SOX5: variants seen among roughly 807,000 people sequenced by gnomAD.
SOX5 encodes the protein SRY-box transcription factor 5, also known as transcription factor SOX-5.
SOX5 carries 9 observed loss-of-function variants against 92.0 expected under a neutral mutation model. That is an observed-to-expected ratio of 0.10 (90% CI 0.06 to 0.17). SOX5 has a LOEUF of 0.17. SOX5 is among the 10% of genes least tolerant of loss of function. The pLI, the probability that SOX5 is intolerant of heterozygous loss-of-function variation, is 1.00. For synonymous variants in SOX5, 344 were observed against 336.3 expected, an observed-to-expected ratio of 1.02 and a Z score of -0.25; for missense variants, 642 against 944.5, an observed-to-expected ratio of 0.68 and a Z score of 4.20.
Position 23,655,235 on chromosome 12 carries a change from GGT to G in SOX5, c.931+10207_931+10208del, listed in dbSNP as rs544783085. ...TAAGAAGTCTGAGTATCCCTGAAAA[GGT>G]GACAATGAATCAAATATGTCTCCTT... On this transcript the variant is annotated intron_variant, in intron 7 of 14. Transcript: ENST00000451604. Among the ~76,000 whole-genome samples the G allele has an allele frequency of 3.2e-3, 487 of 152,124 alleles. 2 individuals are homozygous for G. The highest frequency in any genetic ancestry group is 0.011 in the African/African-American group (444 of 41,532).
chr12:24,196,885 A>G (rs1372917666), intron 4 of SOX5, among the ~76,000 whole-genome samples: 1 of 152,212 alleles, frequency 6.6e-6, no homozygotes. Flanking sequence ...CCTGGGTAAC[A>G]GAGCTAAACC....
intron 4 of SOX5, among the ~76,000 whole-genome samples, chr12:23,999,158 G>C (rs1002749284): frequency 1.3e-5 from 2 of 150,846 alleles, no homozygotes; most frequent in African/African-American, 2.5e-5. Context: ...GTGTGTGTGT[G>C]TGTGTGTGTG....
chr12:23,714,104 A>G (rs7961877), intron 6 of SOX5, among the ~76,000 whole-genome samples: 1,887 of 151,894 alleles, frequency 0.012, 30 homozygotes, highest in African/African-American at 0.043. Context: ...AAAAAAAAAA[A>G]AGAAAAGATT....
At chr12:23,987,657 G>A (rs1049613030) in intron 4 of SOX5, among the ~76,000 whole-genome samples, 1 of 152,188 alleles carries the variant, frequency 6.6e-6, no homozygotes, top group African/African-American at 2.4e-5. Flanking sequence ...GCCAGGCATG[G>A]TGCTGTGTGC....
chr12:23,537,643 T>C (rs1226320724), intron 13 of SOX5, among the ~76,000 whole-genome samples: 1 of 152,186 alleles, frequency 6.6e-6, no homozygotes, highest in Non-Finnish European at 1.5e-5. Flanking sequence ...TCACTATTAA[T>C]TTTGGTGTGA....
rs71059907 is a variant in SOX5, at chr12:23,577,191, A to ATATATT, written c.1165-1354_1165-1353insAATATA. Among the ~76,000 whole-genome samples, 280 of 61,388 alleles carry ATATATT rather than the reference A, an allele frequency of 4.6e-3. 4 individuals are homozygous for ATATATT. Among genetic ancestry groups the ATATATT allele is most frequent in the African/African-American group, 0.013 (233 of 17,562 alleles). 40.3% of individuals were successfully genotyped at this position (61,388 alleles called of 152,430 possible). ...CACACACACACATATATATATATAT[A>ATATATT]TTTTTTTTTTTTTTTTTTTTTGAGA... is the stretch of plus-strand genomic sequence containing the variant. On this transcript the variant is annotated intron_variant, in intron 9 of 14. Coordinates refer to ENST00000451604, the MANE Select transcript of SOX5 (RefSeq NM_006940.6).
chr12:24,085,722 T>C (rs1205415287), intron 4 of SOX5, among the ~76,000 whole-genome samples: 1 of 151,836 alleles, frequency 6.6e-6, no homozygotes, highest in Non-Finnish European at 1.5e-5. Flanking sequence ...CAAAATGAAA[T>C]TTGTTATATT....
chr12:23,750,264 T>C (rs1015565537), intron 4 of SOX5, among the ~76,000 whole-genome samples: 6 of 151,932 alleles, frequency 3.9e-5, no homozygotes, highest in Non-Finnish European at 8.8e-5. Flanking sequence ...CAGAATTAAA[T>C]AATGTTGTCA....
intron 1 of SOX5, among the ~76,000 whole-genome samples, chr12:24,415,236 C>A (rs1326757180): frequency 6.6e-6 from 1 of 152,144 alleles, no homozygotes; most frequent in Non-Finnish European, 1.5e-5. Context: ...CACAACAAAT[C>A]CCTTCAGGAT....
intron 10 of SOX5, among the ~76,000 whole-genome samples, chr12:23,573,990 T>C (rs1217717627): frequency 6.6e-6 from 1 of 151,670 alleles, no homozygotes; most frequent in Non-Finnish European, 1.5e-5. Context: ...ATAAATAATA[T>C]ATTAGTTATC....
chr12:24,507,314 G>A (rs1264272134), intron 1 of SOX5, among the ~76,000 whole-genome samples: 2 of 151,682 alleles, frequency 1.3e-5, no homozygotes, highest in Non-Finnish European at 2.9e-5. Context: ...GTAGGTAGAT[G>A]GATGGATAGA....
At chr12:24,255,762 T>C (rs1394578076) in intron 3 of SOX5, among the ~76,000 whole-genome samples, 1 of 152,234 alleles carries the variant, frequency 6.6e-6, no homozygotes, top group Non-Finnish European at 1.5e-5. Flanking sequence ...TAAGTCCTTC[T>C]TTCCCGGAAC....
At chr12:23,641,520 C>T (rs1168321389) in intron 7 of SOX5, among the ~76,000 whole-genome samples, 2 of 152,032 alleles carry the variant, frequency 1.3e-5, no homozygotes, top group Non-Finnish European at 2.9e-5. Flanking sequence ...TCCCTTCCCC[C>T]CGACATTTTT....
intron 1 of SOX5, among the ~76,000 whole-genome samples, chr12:24,395,996 T>C (rs1959848320): frequency 6.6e-6 from 1 of 152,230 alleles, no homozygotes; most frequent in African/African-American, 2.4e-5. Context: ...GGGAGGTTAT[T>C]GGTTGCAATT....
intron 10 of SOX5, among the ~76,000 whole-genome samples, chr12:23,569,667 T>A (rs1947798710): frequency 1.3e-5 from 2 of 152,330 alleles, no homozygotes; most frequent in South Asian, 2.1e-4. Context: ...CAGGCCTTCA[T>A]CCTTTCACTC....
At chr12:23,534,954 C>A (rs569530957) in intron 14 of SOX5, among the ~76,000 whole-genome samples, 355 of 152,226 alleles carry the variant, frequency 2.3e-3, no homozygotes, top group Non-Finnish European at 4.1e-3. Flanking sequence ...AGGTGATCCA[C>A]CTGCCTCGGC....
chr12:23,880,886 G>A (rs1004964369), intron 2 of SOX5, among the ~76,000 whole-genome samples: 1 of 152,140 alleles, frequency 6.6e-6, no homozygotes, highest in African/African-American at 2.4e-5. Context: ...TCTTAATTCT[G>A]ATATATAAAC....
chr12:24,429,758 A>G (rs1387042873), intron 1 of SOX5, among the ~76,000 whole-genome samples: 1 of 152,184 alleles, frequency 6.6e-6, no homozygotes, highest in African/African-American at 2.4e-5. Flanking sequence ...ATAAATACAC[A>G]AATGTTATTT....
chr12:23,761,244 A>G (rs1209067831), intron 3 of SOX5, among the ~76,000 whole-genome samples: 3 of 152,152 alleles, frequency 2.0e-5, no homozygotes, highest in Non-Finnish European at 4.4e-5. Flanking sequence ...CATAAAAGCA[A>G]TTGAGGAAAA....
Sources: allele counts gnomAD v4.1 joint callset (sites outside exome capture counted in the v4.1 genomes callset), GRCh38; gene constraint gnomAD v4.1.1; transcripts MANE v1.5; gene names NCBI Gene and HGNC (gene_info 2026-07-23, HGNC 2026-07-21).